The following NKD2 variants were observed in gnomAD, a reference collection of about 807,000 sequenced individuals.
NKD2 encodes NKD inhibitor of Wnt signaling pathway 2, also known as protein naked cuticle homolog 2.
NKD2 carries 43 observed loss-of-function variants against 34.8 expected under a neutral mutation model. The observed-to-expected ratio is 1.24, with a 90% CI of 0.97 to 1.60. The LOEUF (loss-of-function observed/expected upper bound fraction) is 1.60, where lower values mean the gene tolerates loss of function less well. Ranked by LOEUF, NKD2 falls within the 40% of genes most tolerant of loss-of-function variation. NKD2 has a pLI of 0.00. For synonymous variants in NKD2, 278 were observed against 265.1 expected, an observed-to-expected ratio of 1.05 and a Z score of -0.47; for missense variants, 675 against 627.1, an observed-to-expected ratio of 1.08 and a Z score of -0.82.
rs763405618 is a variant in NKD2 at position 1,037,860 on chromosome 5, G to C, written c.843G>C (p.Gln281His). The C allele has an allele frequency of 1.2e-6, 2 of 1,600,452 alleles. No homozygotes were observed. The highest frequency in any genetic ancestry group is 2.2e-5 in the South Asian group (2 of 90,390). Residue 281 changes from glutamine to histidine, a missense_variant, in exon 10 of 10, where the codon CAG (glutamine) becomes CAC (histidine). Transcript: ENST00000296849. ...QEPQGRASHL[Q>H]ARSRSQEPDT... The stretch of plus-strand genomic sequence containing the variant: ...CCCAGGGCAGGGCCTCGCACCTCCA[G>C]GCCCGGTCCCGCTCCCAGGAGCCAG...
intron 8 of NKD2, chr5:1,035,987 C>A: frequency 1.8e-6 from 1 of 552,482 alleles, no homozygotes; most frequent in Non-Finnish European, 2.8e-6. Context: ...GATCAGGTGC[C>A]ACTACAGCAT....
chr5:1,036,436 C>T (rs755118504), intron 9 of NKD2, 52 bp downstream of exon 9: 4 of 1,536,094 alleles, frequency 2.6e-6, no homozygotes, highest in Admixed American at 1.7e-5. Flanking sequence ...GGGTGCCCAT[C>T]GAAGGTCTTG....
intron 3 of NKD2, among the ~76,000 whole-genome samples, chr5:1,031,669 T>C (rs1246813387): frequency 6.6e-6 from 1 of 152,176 alleles, no homozygotes; most frequent in East Asian, 1.9e-4. Context: ...TTGAAGTTTT[T>C]CCCCATTTTC....
chr5:1,036,595 G>A (rs553518342), intron 9 of NKD2, among the ~76,000 whole-genome samples: 16 of 151,258 alleles, frequency 1.1e-4, no homozygotes, highest in Middle Eastern at 3.4e-3. Context: ...TGTTGGTGCC[G>A]CCTGAAAGCA....
chr5:1,014,463 T>C (rs1023860576), intron 3 of NKD2, among the ~76,000 whole-genome samples: 1 of 152,160 alleles, frequency 6.6e-6, no homozygotes, highest in Non-Finnish European at 1.5e-5. Context: ...CATCCACGAG[T>C]GCCCTTCGGT....
At position 1,009,542 on chromosome 5, in the gene NKD2, G is replaced by T; in HGVS notation, c.123G>T (p.Arg41=). The T allele has an allele frequency of 6.7e-7, 1 of 1,491,998 alleles. No individual in the cohort carries two copies. Among genetic ancestry groups the T allele is most frequent in the East Asian group, 2.8e-5 (1 of 35,402 alleles). The allele number at this position is 1,491,998 out of a possible 1,614,324, so 92.4% of individuals were successfully genotyped here. ...GCAAAGGCGCGGAGGAAGCGGAGCGGCGCGCGCGGGACAAGCAGGTAGGCG... is the reference window on the plus strand; with the variant it reads ...GCAAAGGCGCGGAGGAAGCGGAGCGTCGCGCGCGGGACAAGCAGGTAGGCG... ...SGRKGAEEAE[R]RARDKQELPN... The change falls in exon 3 of 10, where the codon CGG becomes CGT. Residue 41 remains arginine, a synonymous_variant. Coordinates refer to ENST00000296849, the MANE Select transcript of NKD2 (RefSeq NM_033120.4). This position sits in a 1 kb window ranked among gnomAD's most constrained non-coding sequence, Gnocchi z 6.9.
Position 1,032,594 on chromosome 5 carries a change from G to A in NKD2, c.202+382G>A, listed in dbSNP as rs138045722. ...CTGGCCCAGCCTAAGTCACTGCCAC[G>A]CGTGTATGCCTCAGTGGCACCAGTC... is the stretch of plus-strand genomic sequence containing the variant. On this transcript the variant is annotated intron_variant, in intron 4 of 9. Coordinates refer to ENST00000296849, the MANE Select transcript of NKD2 (RefSeq NM_033120.4). 2.5e-4 allele frequency among the ~76,000 whole-genome samples: 38 copies of A among 152,340 alleles called. 1 individual carries two copies. Among genetic ancestry groups the A allele is most frequent in the African/African-American group, 4.3e-4 (18 of 41,576 alleles).
At chr5:1,027,930 G>A (rs754307573) in intron 3 of NKD2, among the ~76,000 whole-genome samples, 2 of 152,260 alleles carry the variant, frequency 1.3e-5, no homozygotes, top group Non-Finnish European at 2.9e-5. Context: ...GCTGCCTGGC[G>A]CCTCTGCAGG....
chr5:1,011,225 C>A (rs1438324586), intron 3 of NKD2, among the ~76,000 whole-genome samples: 2 of 152,210 alleles, frequency 1.3e-5, no homozygotes, highest in African/African-American at 2.4e-5. Context: ...AGCTTTCAGA[C>A]AAAAGTGCTG....
In NKD2 at chr5:1,009,618, G is replaced by A. The variant is rs898637818; in HGVS notation, c.141+58G>A. 26 of 1,348,834 alleles carry A rather than the reference G, an allele frequency of 1.9e-5. No homozygotes were observed. In the Admixed American group the frequency reaches 8.1e-4, roughly 42 times the overall value. The allele number at this position is 1,348,834 out of a possible 1,614,324, so 83.6% of individuals were successfully genotyped here. ...GCGCACCCGCCCGGGGGCGGGGAGC[G>A]GTGTCAGAGCTGTTCCTGGTGCCCG... On this transcript the variant is annotated intron_variant, in intron 3 of 9. Transcript: ENST00000296849. This position sits in a 1 kb window ranked among gnomAD's most constrained non-coding sequence, Gnocchi z 6.9.
At chr5:1,026,151 C>T (rs1292805134) in intron 3 of NKD2, among the ~76,000 whole-genome samples, 2 of 93,994 alleles carry the variant, frequency 2.1e-5, no homozygotes, top group Non-Finnish European at 4.6e-5. Context: ...CTCTTCCCAC[C>T]CGCTGTGGGC....
chr5:1,022,346 TCAGCCCATTGTCCCTGCTCTTCCCACCCG>T (rs2150735446), intron 3 of NKD2, among the ~76,000 whole-genome samples: 1 of 11,674 alleles, frequency 8.6e-5, no homozygotes, highest in East Asian at 3.4e-3. Flanking sequence ...TGTGGGTGTC[TCAGCCCATTGTCCCTGCTCTTCCCACCCG>T]CTGTGGGTGT....
Position 1,032,201 on chromosome 5 carries a change from G to A in NKD2, c.191G>A (p.Cys64Tyr). 6.2e-7 allele frequency: 1 copy of A among 1,609,118 alleles called. No individual in the cohort carries two copies. Among genetic ancestry groups the A allele is most frequent in the Non-Finnish European group, 8.5e-7 (1 of 1,178,164 alleles). ...PKEGPFREDQ[C>Y]PLQVALPAEK... is the part of the protein sequence containing the mutation. ...GAGGGGCCTTTCCGGGAGGACCAGT[G>A]TCCCCTACAGGGTGAGTGCAGCTCC... is the stretch of plus-strand genomic sequence containing the variant. The change falls in exon 4 of 10, where the codon TGT becomes TAT. Residue 64 changes from cysteine (C) to tyrosine (Y), a missense_variant. Cys to Tyr is a radical substitution (Grantham distance 194, BLOSUM62 -2). Transcript: ENST00000296849.
intron 3 of NKD2, among the ~76,000 whole-genome samples, chr5:1,031,014 G>A (rs564821992): frequency 3.3e-4 from 51 of 152,242 alleles, no homozygotes; most frequent in African/African-American, 1.2e-3. Context: ...TTCTGGGGTG[G>A]CAGCTGGCCA....
chr5:1,032,791 G>A (rs558514247), intron 4 of NKD2, among the ~76,000 whole-genome samples: 16 of 152,340 alleles, frequency 1.1e-4, no homozygotes, highest in Admixed American at 3.3e-4. Flanking sequence ...CAGGCTCGAC[G>A]TGCACCTGTC....
intron 3 of NKD2, among the ~76,000 whole-genome samples, chr5:1,026,375 C>T (rs372754176): frequency 9.0e-5 from 8 of 89,328 alleles, no homozygotes; most frequent in African/African-American, 2.0e-4. Flanking sequence ...GGCGTCTCGG[C>T]CCATTGTCCC....
chr5:1,032,847 G>T (rs540528911), intron 4 of NKD2, among the ~76,000 whole-genome samples: 1 of 152,230 alleles, frequency 6.6e-6, no homozygotes, highest in Non-Finnish European at 1.5e-5. Context: ...TCCTGGGGAC[G>T]CAGCTTGCAA....
Position 1,026,651 on chromosome 5 carries a change from C to G in NKD2, c.142-5501C>G, listed in dbSNP as rs1024849245. On this transcript the variant is annotated intron_variant, in intron 3 of 9. Coordinates refer to ENST00000296849, the MANE Select transcript of NKD2 (RefSeq NM_033120.4). ...TGGGTTCCTTGGGATCCAGACATCA[C>G]CCTCAGCCTTTTCCTGAGAGGCCCA... Among the ~76,000 whole-genome samples the G allele has an allele frequency of 2.0e-5, 3 of 152,274 alleles. No individual in the cohort carries two copies. The South Asian group carries it at 6.2e-4, about 31-fold the overall frequency.
intron 3 of NKD2, among the ~76,000 whole-genome samples, chr5:1,026,963 TCTGGCAGCCTTGGGC>T (rs962571564): frequency 1.3e-5 from 2 of 152,216 alleles, no homozygotes; most frequent in East Asian, 1.9e-4. Flanking sequence ...GCCCCGTAAT[TCTGGCAGCCTTGGGC>T]CTGGCAGCCC....
Sources: gnomAD v4.1 joint callset for allele counts (sites outside exome capture counted in the v4.1 genomes callset) on GRCh38, gnomAD v4.1.1 for gene constraint, Gnocchi (gnomAD v3.1) non-coding constraint, MANE v1.5 for transcripts, NCBI Gene and HGNC (gene_info 2026-07-23, HGNC 2026-07-21) for gene names.